MAPK14: variants seen among roughly 807,000 people sequenced by gnomAD.
The protein encoded by MAPK14 is CSAID-binding protein.
Under a neutral mutation model 49.6 loss-of-function variants are expected in MAPK14, and 16 were observed. That is an observed-to-expected ratio of 0.32 (90% CI 0.22 to 0.49). MAPK14 has a LOEUF of 0.49. MAPK14 is among the 20% of genes least tolerant of loss of function. The pLI, the probability that MAPK14 is intolerant of heterozygous loss-of-function variation, is 0.99. For missense variants in MAPK14, 200 were observed against 441.2 expected (o/e 0.45, Z 4.90); for synonymous variants, 142 against 158.0 (o/e 0.90, Z 0.76).
chr6:36,094,774 A>AG (rs1765381890), intron 8 of MAPK14, among the ~76,000 whole-genome samples: 2 of 152,314 alleles, frequency 1.3e-5, no homozygotes, highest in South Asian at 2.1e-4. Context: ...AGACCAGTAC[A>AG]GGGGGCAGAC....
At chr6:36,097,848 T>C (rs1303778618) in intron 9 of MAPK14, 1 of 152,116 alleles carries the variant, frequency 6.6e-6, no homozygotes, top group Non-Finnish European at 1.5e-5. Flanking sequence ...TCTACTGAAA[T>C]TGAGTACCAG....
At chr6:36,120,274 CATG>C in the MAPK14 span, among the ~76,000 whole-genome samples, 2 of 152,306 alleles carry the variant, frequency 1.3e-5, no homozygotes, top group African/African-American at 4.8e-5. Context: ...CCGTTTTCAT[CATG>C]ATGATGAGTA....
At chr6:36,122,739 A>T in the MAPK14 span, among the ~76,000 whole-genome samples, 1 of 152,168 alleles carries the variant, frequency 6.6e-6, no homozygotes, top group Non-Finnish European at 1.5e-5. Flanking sequence ...ACCATGCACA[A>T]TGCCTGCAAC....
At chr6:36,100,268 G>T in intron 9 of MAPK14, 1 of 1,610,862 alleles carries the variant, frequency 6.2e-7, no homozygotes, top group Non-Finnish European at 8.5e-7. Context: ...AAGCCATGAG[G>T]TGAGAACAAA....
At chr6:36,115,979 C>A (rs1372283182), downstream of MAPK14, among the ~76,000 whole-genome samples, 1 of 148,460 alleles carries the variant, frequency 6.7e-6, no homozygotes, top group Non-Finnish European at 1.5e-5. Flanking sequence ...CATGGTGGCA[C>A]ACACCTGTAG....
At chr6:36,035,057 C>G (rs1029415940) in intron 1 of MAPK14, among the ~76,000 whole-genome samples, 16 of 151,968 alleles carry the variant, frequency 1.1e-4, no homozygotes, top group Admixed American at 6.6e-4. Flanking sequence ...TGCCACCACA[C>G]CTGGCTAATT....
At chr6:36,072,150 C>T (rs1764324717) in intron 3 of MAPK14, among the ~76,000 whole-genome samples, 1 of 152,088 alleles carries the variant, frequency 6.6e-6, no homozygotes, top group Non-Finnish European at 1.5e-5. Context: ...GCCTGAGCAA[C>T]ATAGTGAGAC....
intron 3 of MAPK14, among the ~76,000 whole-genome samples, chr6:36,070,034 C>T (rs1174132539): frequency 1.3e-5 from 2 of 152,156 alleles, no homozygotes; most frequent in African/African-American, 4.8e-5. Context: ...CTGTCTTCCT[C>T]AGCTTATGCA....
the MAPK14 span, among the ~76,000 whole-genome samples, chr6:36,119,134 C>T: frequency 2.6e-5 from 4 of 152,258 alleles, no homozygotes; most frequent in Non-Finnish European, 4.4e-5. Flanking sequence ...TGGAAAACAT[C>T]GCTTTTAAAA....
chr6:36,108,689 A>G lies in MAPK14; in HGVS notation c.*242A>G. On this transcript the variant is annotated 3_prime_UTR_variant, in exon 12 of 12. Transcript: ENST00000229794. Reference sequence around the variant, plus strand: ...CTTTACAGGAGGTTGTGGATGCTCCAGGGCAGCCTCCACCTTGCTCTTCTT... The same window carrying G: ...CTTTACAGGAGGTTGTGGATGCTCCGGGGCAGCCTCCACCTTGCTCTTCTT... 2.0e-6 allele frequency: 1 copy of G among 503,726 alleles called. No homozygotes were observed. The highest frequency in any genetic ancestry group is 3.5e-5 in the East Asian group (1 of 28,554). The allele number at this position is 503,726 out of a possible 1,614,324, so 31.2% of individuals were successfully genotyped here. A position where few individuals can be genotyped will look rare whatever the true frequency, so the allele number is the denominator to read the frequency against.
intron 10 of MAPK14, 76 bp downstream of exon 10, chr6:36,102,725 T>A (rs1765678914): frequency 1.3e-6 from 2 of 1,599,428 alleles, no homozygotes; most frequent in African/African-American, 2.7e-5. Context: ...AAGAAGAGTT[T>A]CTCCTTTTGA....
rs1646477467 is a variant in MAPK14, at chr6:36,055,016, T to A, written c.246+2188T>A. The stretch of plus-strand genomic sequence containing the variant: ...CTTGAATTGTCTCTTCTGTTAGTGA[T>A]CATGAATAATAGATAAACATTTATT... On this transcript the variant is annotated intron_variant, in intron 2 of 11. Coordinates refer to ENST00000229794, the MANE Select transcript of MAPK14 (RefSeq NM_139012.3). Among the ~76,000 whole-genome samples, 3 of 152,254 alleles carry A rather than the reference T, an allele frequency of 2.0e-5. No homozygotes were observed. In the South Asian group the frequency reaches 6.2e-4, roughly 32 times the overall value.
intron 3 of MAPK14, among the ~76,000 whole-genome samples, chr6:36,063,414 C>T (rs1225124082): frequency 2.0e-5 from 3 of 152,096 alleles, no homozygotes; most frequent in Non-Finnish European, 4.4e-5. Flanking sequence ...ATAGGGAAAC[C>T]CCTTCTCTAC....
Position 36,108,593 on chromosome 6 carries a change from AGTGT to A in MAPK14, c.*152_*155del, listed in dbSNP as rs533755205. 2.1e-3 allele frequency: 1,394 copies of A among 672,568 alleles called. 14 individuals carry two copies. The highest frequency in any genetic ancestry group is 0.019 in the African/African-American group (1,097 of 56,446). The allele number at this position is 672,568 out of a possible 1,614,324, so 41.7% of individuals were successfully genotyped here. The stretch of plus-strand genomic sequence containing the variant: ...GTGTGCGTGCGTGTGCGTGCGTGTT[AGTGT>A]GTGTGCATGTGTGTGTCTGTCTTTG... On this transcript the variant is annotated 3_prime_UTR_variant, in exon 12 of 12. Coordinates refer to ENST00000229794, the MANE Select transcript of MAPK14 (RefSeq NM_139012.3).
rs1764408653 is a variant in MAPK14, at chr6:36,073,824, T to A, written c.447+104T>A. The A allele has an allele frequency of 9.0e-6, 11 of 1,219,506 alleles. No homozygotes were observed. In the Admixed American group the frequency reaches 1.8e-4, roughly 20 times the overall value. 75.5% of individuals were successfully genotyped at this position (1,219,506 alleles called of 1,614,324 possible). On this transcript the variant is annotated intron_variant, in intron 5 of 11. Transcript: ENST00000229794. ...ATCTAAACTTTAGCCATTGAAATGT[T>A]GATTGATTGCAACTTTACTGTAGGT...
intron 1 of MAPK14, among the ~76,000 whole-genome samples, chr6:36,042,047 A>G (rs1762981331): frequency 1.0e-5 from 1 of 95,618 alleles, no homozygotes; most frequent in Admixed American, 1.0e-4. Flanking sequence ...AAGAGAAAAC[A>G]TAAACCAAGA....
chr6:36,074,321 GAT>G (rs1764431641), intron 6 of MAPK14, among the ~76,000 whole-genome samples: 1 of 151,912 alleles, frequency 6.6e-6, no homozygotes, highest in African/African-American at 2.4e-5. Context: ...TTATAAATTT[GAT>G]ATATTAGTCA....
chr6:36,071,147 A>T (rs1002526315), intron 3 of MAPK14, among the ~76,000 whole-genome samples: 1 of 152,010 alleles, frequency 6.6e-6, no homozygotes, highest in East Asian at 1.9e-4. Context: ...AGCCTGGCCA[A>T]CATGATGAAA....
At chr6:36,037,011 G>A (rs1053455075) in intron 1 of MAPK14, among the ~76,000 whole-genome samples, 2 of 152,180 alleles carry the variant, frequency 1.3e-5, no homozygotes, top group African/African-American at 4.8e-5. Context: ...AAAGTGCTGA[G>A]AGTAATAGGT....
Sources: allele counts gnomAD v4.1 joint callset (sites outside exome capture counted in the v4.1 genomes callset), GRCh38; gene constraint gnomAD v4.1.1; transcripts MANE v1.5; gene names NCBI Gene and HGNC (gene_info 2026-07-23, HGNC 2026-07-21).